The following OPCML variants were observed in gnomAD, a reference collection of about 807,000 sequenced individuals.
OPCML encodes opioid binding protein/cell adhesion molecule like.
A neutral mutation model predicts 37.8 loss-of-function variants in OPCML; 13 were observed. That is an observed-to-expected ratio of 0.34 (90% CI 0.22 to 0.55). OPCML has a LOEUF of 0.55. Ranked by LOEUF, OPCML falls within the 20% of genes least tolerant of loss-of-function variation. The pLI, the probability that OPCML is intolerant of heterozygous loss-of-function variation, is 0.91. For missense variants in OPCML, 341 were observed against 435.6 expected, an observed-to-expected ratio of 0.78 and a Z score of 1.93; for synonymous variants, 176 against 168.8, an observed-to-expected ratio of 1.04 and a Z score of -0.33.
chr11:132,895,549 G>A (rs1416532413), intron 2 of OPCML, among the ~76,000 whole-genome samples: 1 of 152,208 alleles, frequency 6.6e-6, no homozygotes, highest in Non-Finnish European at 1.5e-5. Flanking sequence ...TGGTTAAAGT[G>A]AGGCCATTGG....
intron 2 of OPCML, among the ~76,000 whole-genome samples, chr11:132,698,962 AC>A (rs1183162469): frequency 2.0e-5 from 3 of 152,160 alleles, no homozygotes; most frequent in African/African-American, 7.2e-5. Context: ...GGTATTGCAG[AC>A]ATTTTAACAA....
At chr11:132,463,416 C>T (rs997254188) in intron 4 of OPCML, among the ~76,000 whole-genome samples, 1 of 152,200 alleles carries the variant, frequency 6.6e-6, no homozygotes, top group African/African-American at 2.4e-5. Flanking sequence ...GTGTAGTCCT[C>T]ACACCAGAAG....
At chr11:133,348,535 C>A (rs1266420829) in intron 1 of OPCML, among the ~76,000 whole-genome samples, 1 of 152,158 alleles carries the variant, frequency 6.6e-6, no homozygotes. Context: ...GCCTCCCTCA[C>A]TGATGCTGCT....
At chr11:132,555,062 A>T (rs1486293195) in intron 3 of OPCML, among the ~76,000 whole-genome samples, 5 of 151,990 alleles carry the variant, frequency 3.3e-5, no homozygotes, top group Non-Finnish European at 7.4e-5. Context: ...GCACTGCGTG[A>T]TGAAGACCAG....
chr11:132,907,074 G>T (rs538343541), intron 2 of OPCML, among the ~76,000 whole-genome samples: 1 of 152,074 alleles, frequency 6.6e-6, no homozygotes, highest in Non-Finnish European at 1.5e-5. Context: ...AGATTTTCCT[G>T]CTTACAATTC....
chr11:132,876,392 C>T (rs1039369088), intron 2 of OPCML, among the ~76,000 whole-genome samples: 5 of 152,180 alleles, frequency 3.3e-5, no homozygotes, highest in Non-Finnish European at 7.3e-5. Context: ...GTCTCCTTAA[C>T]GCTGTCAGTC....
intron 1 of OPCML, among the ~76,000 whole-genome samples, chr11:132,984,914 C>T (rs916486952): frequency 1.3e-5 from 2 of 152,154 alleles, no homozygotes; most frequent in African/African-American, 4.8e-5. Context: ...AACAAATTCG[C>T]TCACAGGCTC....
intron 1 of OPCML, among the ~76,000 whole-genome samples, chr11:133,037,491 T>TAAATTTA (rs1947803805): frequency 6.6e-6 from 1 of 152,200 alleles, no homozygotes; most frequent in South Asian, 2.1e-4. Flanking sequence ...ATTGTCTTCT[T>TAAATTTA]GTAACCTAGC....
intron 1 of OPCML, among the ~76,000 whole-genome samples, chr11:133,126,616 T>C (rs1949519631): frequency 6.6e-6 from 1 of 152,196 alleles, no homozygotes; most frequent in African/African-American, 2.4e-5. Flanking sequence ...GATAAAAATC[T>C]TACAGATACA....
chr11:133,113,498 C>A (rs1010439466), intron 1 of OPCML, among the ~76,000 whole-genome samples: 9 of 152,180 alleles, frequency 5.9e-5, no homozygotes, highest in African/African-American at 1.9e-4. Context: ...TTATTTAATT[C>A]TTTAAATGCC....
chr11:133,497,535 C>A (rs6590715), intron 1 of OPCML, among the ~76,000 whole-genome samples: 94,708 of 151,894 alleles, frequency 0.62, 31,785 homozygotes, highest in African/African-American at 0.88. Flanking sequence ...CTTGTTACTA[C>A]GATGCTTTCT....
intron 2 of OPCML, among the ~76,000 whole-genome samples, chr11:132,867,542 T>C (rs1026751358): frequency 3.9e-5 from 6 of 152,160 alleles, no homozygotes; most frequent in African/African-American, 1.4e-4. Flanking sequence ...GTCAGACACA[T>C]TGAATTGATT....
intron 1 of OPCML, among the ~76,000 whole-genome samples, chr11:133,415,618 T>A (rs1335163410): frequency 6.6e-6 from 1 of 152,186 alleles, no homozygotes; most frequent in Non-Finnish European, 1.5e-5. Context: ...CAGAGGCATC[T>A]GTGCCCTGAT....
chr11:133,189,988 C>A (rs960488753), intron 1 of OPCML, among the ~76,000 whole-genome samples: 3 of 152,316 alleles, frequency 2.0e-5, no homozygotes, highest in Admixed American at 2.0e-4. Flanking sequence ...GACCTGGTTA[C>A]GTTTTCACCA....
chr11:132,755,638 G>C (rs1393325865), intron 2 of OPCML, among the ~76,000 whole-genome samples: 3 of 152,158 alleles, frequency 2.0e-5, no homozygotes, highest in Non-Finnish European at 4.4e-5. Flanking sequence ...TCTGTAATAA[G>C]AATCATATAT....
chr11:132,938,631 C>G (rs953819333), intron 2 of OPCML, among the ~76,000 whole-genome samples: 4 of 152,130 alleles, frequency 2.6e-5, no homozygotes, highest in Non-Finnish European at 5.9e-5. Flanking sequence ...CCTGTATGTA[C>G]ACAATTCAAC....
chr11:132,625,585 A>G (rs933239018), intron 3 of OPCML, among the ~76,000 whole-genome samples: 1 of 152,170 alleles, frequency 6.6e-6, no homozygotes, highest in African/African-American at 2.4e-5. Context: ...CACATTTCCT[A>G]AATGTGAAAC....
intron 1 of OPCML, among the ~76,000 whole-genome samples, chr11:133,076,293 C>T (rs540729239): frequency 6.6e-6 from 1 of 152,298 alleles, no homozygotes; most frequent in East Asian, 1.9e-4. Flanking sequence ...TGTCCCCCTT[C>T]CCTATTCCAA....
intron 2 of OPCML, among the ~76,000 whole-genome samples, chr11:132,684,978 T>C (rs1254805765): frequency 6.6e-6 from 1 of 152,230 alleles, no homozygotes; most frequent in Non-Finnish European, 1.5e-5. Context: ...CTTTTATTAA[T>C]CCACCTTCAC....
Sources: allele counts gnomAD v4.1 joint callset (sites outside exome capture counted in the v4.1 genomes callset), GRCh38; gene constraint gnomAD v4.1.1; transcripts MANE v1.5; gene names NCBI Gene and HGNC (gene_info 2026-07-23, HGNC 2026-07-21).